PUS7: variants seen among roughly 807,000 people sequenced by gnomAD.
PUS7 encodes pseudouridylate synthase 7 homolog.
PUS7 carries 48 observed loss-of-function variants against 79.8 expected under a neutral mutation model. The observed-to-expected ratio is 0.60, with a 90% CI of 0.48 to 0.76. The LOEUF is 0.76. Ranked by LOEUF, PUS7 falls within the 30% of genes least tolerant of loss-of-function variation. The pLI is 0.00. For missense variants in PUS7, 729 were observed against 797.6 expected, an observed-to-expected ratio of 0.91 and a Z score of 1.04; for synonymous variants, 286 against 272.2, an observed-to-expected ratio of 1.05 and a Z score of -0.50.
intron 11 of PUS7, 143 bp from the exon 12 acceptor site, chr7:105,468,606 C>G (rs1435009237): frequency 1.5e-6 from 1 of 652,284 alleles, no homozygotes; most frequent in Non-Finnish European, 2.4e-6. Flanking sequence ...TAGCCTCCAC[C>G]TCCCGGGTTC....
At position 105,457,839 on chromosome 7, in the gene PUS7, T is replaced by A. The variant is rs377217797; in HGVS notation, c.1937A>T (p.Asp646Val). The A allele has an allele frequency of 4.0e-5, 64 of 1,614,060 alleles. No homozygotes were observed. The highest frequency in any genetic ancestry group is 5.3e-5 in the Non-Finnish European group (63 of 1,180,032). The change falls in exon 16 of 16, where the codon GAT becomes GTT. Residue 646 changes from aspartate to valine, a missense_variant. By Grantham distance (152) the Asp-to-Val change is radical (BLOSUM62 -3). Transcript: ENST00000469408. ...TMAIREVLKMDTSIKNQTQLN... is the reference protein window; with the variant it reads ...TMAIREVLKMVTSIKNQTQLN... ...CTGCGTCTGGTTCTTGATACTGGTA[T>A]CCATTTTTAGCACTTCTCGAATGGC...
intron 1 of PUS7, among the ~76,000 whole-genome samples, chr7:105,519,819 G>A (rs1370483418): frequency 6.6e-6 from 1 of 152,164 alleles, no homozygotes; most frequent in African/African-American, 2.4e-5. Context: ...CGTCTAAGGA[G>A]GAGACTTCTG....
At position 105,508,426 on chromosome 7, in the gene PUS7, C is replaced by G; in HGVS notation, c.87G>C (p.Glu29Asp). The change falls in exon 2 of 16, where the codon GAG becomes GAC. Residue 29 changes from glutamate (E) to aspartate (D), a missense_variant. By Grantham distance (45) the Glu-to-Asp change is conservative (BLOSUM62 2). Coordinates refer to ENST00000469408, the MANE Select transcript of PUS7 (RefSeq NM_019042.5). ...EDNDSGVPVE[E>D]TKKQKLSECS... ...ATTCCGACAGCTTCTGTTTTTTTGTCTCTTCAACTGGGACTCCACTGTCAT... is the reference window on the plus strand; with the variant it reads ...ATTCCGACAGCTTCTGTTTTTTTGTGTCTTCAACTGGGACTCCACTGTCAT... 6.2e-7 allele frequency: 1 copy of G among 1,614,070 alleles called. No homozygotes were observed. The highest frequency in any genetic ancestry group is 1.1e-5 in the South Asian group (1 of 91,080).
At chr7:105,462,047 GA>G (rs903565762) in intron 14 of PUS7, among the ~76,000 whole-genome samples, 1 of 107,984 alleles carries the variant, frequency 9.3e-6, no homozygotes, top group Non-Finnish European at 2.0e-5. Flanking sequence ...CCTCTATTAA[GA>G]AAAAAAAAGA....
intron 4 of PUS7, 29 bp from the exon 5 acceptor site, chr7:105,502,593 C>T (rs375871300): frequency 1.6e-4 from 257 of 1,608,816 alleles, no homozygotes; most frequent in Non-Finnish European, 2.2e-4. Flanking sequence ...AGCAATACCA[C>T]CAAGTTAACA....
At chr7:105,497,578 A>G (rs1016038969) in intron 5 of PUS7, among the ~76,000 whole-genome samples, 2 of 152,212 alleles carry the variant, frequency 1.3e-5, no homozygotes, top group Non-Finnish European at 2.9e-5. Context: ...CATTCTTTGA[A>G]CAAGCCATCT....
intron 1 of PUS7, among the ~76,000 whole-genome samples, chr7:105,516,504 C>G (rs193200272): frequency 6.6e-6 from 1 of 151,580 alleles, no homozygotes; most frequent in South Asian, 2.1e-4. Flanking sequence ...AGTGCAATGG[C>G]GTGATCTTGG....
chr7:105,493,063 A>C (rs1017695714), intron 6 of PUS7, among the ~76,000 whole-genome samples: 1 of 152,230 alleles, frequency 6.6e-6, no homozygotes, highest in Non-Finnish European at 1.5e-5. Flanking sequence ...CATCATCTAC[A>C]ATTCATTACA....
At chr7:105,476,059 G>A (rs1824094348) in intron 9 of PUS7, among the ~76,000 whole-genome samples, 1 of 150,422 alleles carries the variant, frequency 6.6e-6, no homozygotes, top group African/African-American at 2.5e-5. Context: ...AGAAGGTGGA[G>A]GTTGCAATGG....
At chr7:105,467,032 CTGTTTTTTT>C (rs1258184768) in intron 12 of PUS7, among the ~76,000 whole-genome samples, 2 of 51,028 alleles carry the variant, frequency 3.9e-5, no homozygotes, top group African/African-American at 1.6e-4. Flanking sequence ...CCAGTTTTTT[CTGTTTTTTT>C]TTTTTTTTTT....
intron 9 of PUS7, among the ~76,000 whole-genome samples, chr7:105,475,391 T>G (rs945058964): frequency 6.6e-6 from 1 of 151,994 alleles, no homozygotes; most frequent in Non-Finnish European, 1.5e-5. Flanking sequence ...TTCACTGTGT[T>G]AGCCAGGATG....
chr7:105,466,485 T>C (rs1011881624), intron 12 of PUS7, among the ~76,000 whole-genome samples: 7 of 152,090 alleles, frequency 4.6e-5, no homozygotes, highest in Non-Finnish European at 2.9e-5. Flanking sequence ...ACTCCTGGGC[T>C]CAAGTGATTC....
intron 5 of PUS7, among the ~76,000 whole-genome samples, chr7:105,499,258 C>T (rs1019240746): frequency 1.3e-5 from 2 of 152,184 alleles, no homozygotes; most frequent in Non-Finnish European, 2.9e-5. Context: ...ATTGATCACT[C>T]TGATTATTGG....
At chr7:105,518,007 GC>G (rs1187290285) in intron 1 of PUS7, among the ~76,000 whole-genome samples, 1 of 152,132 alleles carries the variant, frequency 6.6e-6, no homozygotes, top group Non-Finnish European at 1.5e-5. Flanking sequence ...AATTAGCCAT[GC>G]ATGGTGGTGT....
chr7:105,504,633 T>C (rs1399125472), intron 4 of PUS7, among the ~76,000 whole-genome samples: 1 of 152,138 alleles, frequency 6.6e-6, no homozygotes, highest in African/African-American at 2.4e-5. Context: ...AAAACCTCAG[T>C]TTTTAAGACA....
intron 7 of PUS7, among the ~76,000 whole-genome samples, chr7:105,483,416 C>T (rs1824411824): frequency 2.0e-5 from 3 of 150,980 alleles, no homozygotes; most frequent in Admixed American, 2.0e-4. Flanking sequence ...CCGCCCGCCT[C>T]GGCCTCCCAA....
At chr7:105,515,541 A>G (rs1451584722) in intron 1 of PUS7, among the ~76,000 whole-genome samples, 1 of 152,188 alleles carries the variant, frequency 6.6e-6, no homozygotes, top group Non-Finnish European at 1.5e-5. Context: ...TGATATATCT[A>G]ACTGAAAAGA....
intron 8 of PUS7, 128 bp from the exon 9 acceptor site, chr7:105,481,305 C>T (rs1824310681): frequency 1.7e-6 from 1 of 597,612 alleles, no homozygotes; most frequent in Non-Finnish European, 2.6e-6. Flanking sequence ...TCTCTACCTC[C>T]CAAGGGCTCT....
intron 9 of PUS7, among the ~76,000 whole-genome samples, chr7:105,473,435 T>A (rs1365604858): frequency 6.6e-6 from 1 of 150,942 alleles, no homozygotes; most frequent in Non-Finnish European, 1.5e-5. Flanking sequence ...TTTTTTTTTT[T>A]TGAGATGGAC....
Sources: gnomAD v4.1 joint callset for allele counts (sites outside exome capture counted in the v4.1 genomes callset) on GRCh38, gnomAD v4.1.1 for gene constraint, MANE v1.5 for transcripts, NCBI Gene and HGNC (gene_info 2026-07-23, HGNC 2026-07-21) for gene names.